SEC31A: variants seen among roughly 807,000 people sequenced by gnomAD.
The protein encoded by SEC31A is SEC31 homolog A, COPII component, also known as protein transport protein Sec31A.
Under a neutral mutation model 151.0 loss-of-function variants are expected in SEC31A, and 70 were observed. The observed-to-expected ratio is 0.46, with a 90% confidence interval of 0.38 to 0.57. The LOEUF (loss-of-function observed/expected upper bound fraction) is 0.57. SEC31A is among the 20% of genes least tolerant of loss of function. SEC31A has a pLI of 0.00. For missense variants in SEC31A, 1,330 were observed against 1,471.2 expected, an observed-to-expected ratio of 0.90 and a Z score of 1.57; for synonymous variants, 475 against 505.9, an observed-to-expected ratio of 0.94 and a Z score of 0.82.
chr4:82,896,610 T>A (rs1277098058), intron 3 of SEC31A, among the ~76,000 whole-genome samples: 3 of 152,074 alleles, frequency 2.0e-5, no homozygotes, highest in African/African-American at 4.8e-5. Context: ...ATACAAAAAA[T>A]TAGCCAGGTG....
intron 22 of SEC31A, 64 bp downstream of exon 22, chr4:82,842,076 T>G: frequency 7.8e-7 from 1 of 1,286,836 alleles, no homozygotes; most frequent in Non-Finnish European, 1.1e-6. Context: ...TACCCCTCCA[T>G]CCACCCATCT....
At chr4:82,853,750 C>G (rs751312313) in intron 17 of SEC31A, 35 bp from the exon 18 acceptor site, 1 of 1,559,578 alleles carries the variant, frequency 6.4e-7, no homozygotes, top group Non-Finnish European at 8.7e-7. Flanking sequence ...AAGATTATAC[C>G]CAAGGCAATC....
intron 7 of SEC31A, chr4:82,871,500 C>G: frequency 9.4e-7 from 1 of 1,058,374 alleles, no homozygotes; most frequent in Non-Finnish European, 1.4e-6. Context: ...CATTAAGTTC[C>G]TACGGTGGCC....
rs1382637240 is a variant in SEC31A, at chr4:82,857,706, T to C, written c.1685A>G (p.Asn562Ser). The C allele has an allele frequency of 1.6e-5, 25 of 1,594,746 alleles. No individual in the cohort carries two copies. Among genetic ancestry groups the C allele is most frequent in the Non-Finnish European group, 2.0e-5 (23 of 1,163,146 alleles). ...GTACTTACCCCCACTGACAGAGATATTAAATGTTCCTCCAGATGAGGGTAG... is the reference window on the plus strand; with the variant it reads ...GTACTTACCCCCACTGACAGAGATACTAAATGTTCCTCCAGATGAGGGTAG... Reference protein sequence around the residue: ...EFLPSSGGTFNISVSGDIDGL... With the variant: ...EFLPSSGGTFSISVSGDIDGL... Residue 562 changes from asparagine to serine, a missense_variant, in exon 15 of 27, where the codon AAT (asparagine) becomes AGT (serine). Transcript: ENST00000395310.
intron 22 of SEC31A, among the ~76,000 whole-genome samples, chr4:82,834,397 G>C (rs992178685): frequency 6.6e-6 from 1 of 152,272 alleles, no homozygotes. Flanking sequence ...GCCTGGGAGG[G>C]TATCCAGACT....
At chr4:82,865,581 T>TAC (rs1292926937) in intron 10 of SEC31A, among the ~76,000 whole-genome samples, 5 of 96,450 alleles carry the variant, frequency 5.2e-5, no homozygotes, top group Non-Finnish European at 2.3e-5. Context: ...TATATATATA[T>TAC]ATACAATGCA....
chr4:82,870,175 T>C, intron 8 of SEC31A, 150 bp downstream of exon 8: 1 of 502,786 alleles, frequency 2.0e-6, no homozygotes, highest in Admixed American at 3.4e-5. Context: ...ATGTTCCTGA[T>C]AAAATTGCTG....
In SEC31A at chr4:82,851,650, A is replaced by G. The variant is rs777672544; in HGVS notation, c.2155-46T>C. ...ACAAACAGAAATATCAAGACCATGTATGAGAGGAAGCAGGAAAAGATCAAG... is the reference window on the plus strand; with the variant it reads ...ACAAACAGAAATATCAAGACCATGTGTGAGAGGAAGCAGGAAAAGATCAAG... On this transcript the variant is annotated intron_variant, in intron 18 of 26. Coordinates refer to ENST00000395310, the MANE Select transcript of SEC31A (RefSeq NM_001077207.4). 6 of 1,493,184 alleles carry G rather than the reference A, an allele frequency of 4.0e-6. No individual in the cohort carries two copies. The East Asian group carries it at 1.4e-4, about 34-fold the overall frequency. 92.5% of individuals were successfully genotyped at this position (1,493,184 alleles called of 1,614,324 possible).
intron 3 of SEC31A, chr4:82,899,675 G>A (rs1333263283): frequency 1.3e-5 from 2 of 152,552 alleles, no homozygotes; most frequent in Non-Finnish European, 2.9e-5. Context: ...GAAGATACAA[G>A]CATATTATAA....
At chr4:82,820,336 T>TTGGTTTTCTCTC (rs1247855680) in intron 26 of SEC31A, among the ~76,000 whole-genome samples, 5 of 152,122 alleles carry the variant, frequency 3.3e-5, no homozygotes, top group Admixed American at 6.5e-5. Context: ...TTTCTTTAGT[T>TTGGTTTTCTCTC]TGGTTCTCAT....
rs568727185 is a variant in SEC31A, at chr4:82,845,169, T to G, written c.2503-660A>C. The G allele has an allele frequency of 7.4e-5, 104 of 1,400,428 alleles. 1 individual carries two copies. In the South Asian group the frequency reaches 1.1e-3, roughly 15 times the overall value. The allele number at this position is 1,400,428 out of a possible 1,614,324, so 86.8% of individuals were successfully genotyped here. A position where few individuals can be genotyped will look rare whatever the true frequency, so the allele number is the denominator to read the frequency against. On this transcript the variant is annotated intron_variant, in intron 20 of 26. Transcript: ENST00000395310. ...TAACTGTATATTTAGGTGAGCAGAA[T>G]TCTGCTCAAAGAGGAATAATGAAGG...
intron 25 of SEC31A, among the ~76,000 whole-genome samples, chr4:82,823,800 C>G (rs1578105308): frequency 6.6e-6 from 1 of 152,300 alleles, no homozygotes; most frequent in African/African-American, 2.4e-5. Flanking sequence ...TCAATATAAG[C>G]TCAGAAAGAA....
At chr4:82,838,368 A>C (rs1411564025) in intron 22 of SEC31A, among the ~76,000 whole-genome samples, 1 of 152,202 alleles carries the variant, frequency 6.6e-6, no homozygotes, top group Non-Finnish European at 1.5e-5. Context: ...TATCCTAGAT[A>C]GTAAAACAGG....
At chr4:82,847,743 A>T (rs1578212230) in intron 20 of SEC31A, among the ~76,000 whole-genome samples, 1 of 152,058 alleles carries the variant, frequency 6.6e-6, no homozygotes, top group African/African-American at 2.4e-5. Flanking sequence ...TGAAGGGGGG[A>T]ATTTACTCTG....
chr4:82,891,640 C>G (rs190173539), upstream of SEC31A, among the ~76,000 whole-genome samples: 3 of 152,350 alleles, frequency 2.0e-5, no homozygotes, highest in East Asian at 5.8e-4. Context: ...ATTGCACATT[C>G]TGGCGTTTTG....
At chr4:82,861,889 C>T (rs13133248) in intron 13 of SEC31A, 181 bp from the exon 14 acceptor site, 66,704 of 330,488 alleles carry the variant, frequency 0.2, 7,237 homozygotes, top group South Asian at 0.29. Flanking sequence ...ACTATTACTG[C>T]TAACACTTTC....
chr4:82,885,550 CCATCCACA>C (rs1263806761), intron 1 of SEC31A, among the ~76,000 whole-genome samples: 3 of 152,082 alleles, frequency 2.0e-5, no homozygotes, highest in Admixed American at 1.3e-4. Context: ...ATCTTACTGC[CCATCCACA>C]CAACATGGTT....
chr4:82,883,472 C>T (rs993902747), intron 1 of SEC31A, among the ~76,000 whole-genome samples: 4 of 152,128 alleles, frequency 2.6e-5, no homozygotes, highest in East Asian at 1.9e-4. Context: ...CAGTAATATA[C>T]GATTACTTAT....
chr4:82,850,467 C>A (rs1198279228), intron 19 of SEC31A, among the ~76,000 whole-genome samples: 1 of 151,972 alleles, frequency 6.6e-6, no homozygotes, highest in African/African-American at 2.4e-5. Context: ...ATATTATGTA[C>A]TTTTACTCAA....
Sources: allele counts gnomAD v4.1 joint callset (sites outside exome capture counted in the v4.1 genomes callset), GRCh38; gene constraint gnomAD v4.1.1; transcripts MANE v1.5; gene names NCBI Gene and HGNC (gene_info 2026-07-23, HGNC 2026-07-21).